NUP50: variants seen among roughly 807,000 people sequenced by gnomAD.
NUP50 encodes nucleoporin 50.
NUP50 carries 14 observed loss-of-function variants against 36.8 expected under a neutral mutation model. That is an observed-to-expected ratio of 0.38 (90% CI 0.25 to 0.59). The LOEUF (loss-of-function observed/expected upper bound fraction) is 0.59, where lower values mean the gene tolerates loss of function less well. NUP50 is among the 20% of genes least tolerant of loss of function. The pLI is 0.63. For missense variants in NUP50, 455 were observed against 564.6 expected (o/e 0.81, Z 1.97); for synonymous variants, 195 against 210.8 (o/e 0.93, Z 0.65).
intron 2 of NUP50, among the ~76,000 whole-genome samples, chr22:45,168,512 A>G (rs1277501781): frequency 1.3e-5 from 2 of 152,216 alleles, no homozygotes; most frequent in African/African-American, 4.8e-5. Flanking sequence ...TCTCCTTAGT[A>G]GAAGCACTTT....
In NUP50 at chr22:45,185,107, C is replaced by G. The variant is rs2074449278; in HGVS notation, c.*452C>G. 2.0e-5 allele frequency: 4 copies of G among 195,734 alleles called. No homozygotes were observed. In the South Asian group the frequency reaches 3.5e-4, roughly 17 times the overall value. The allele number at this position is 195,734 out of a possible 1,614,324, so 12.1% of individuals were successfully genotyped here. A position where few individuals can be genotyped will look rare whatever the true frequency, so the allele number is the denominator to read the frequency against. On this transcript the variant is annotated 3_prime_UTR_variant, in exon 8 of 8. Coordinates refer to ENST00000347635, the MANE Select transcript of NUP50 (RefSeq NM_007172.4). ...CGGTGGGCTCAGCCGACGTGTGAGACTTGTTCTGTTACCAAATGAACCGGG... is the reference window on the plus strand; with the variant it reads ...CGGTGGGCTCAGCCGACGTGTGAGAGTTGTTCTGTTACCAAATGAACCGGG...
At chr22:45,178,961 C>T in intron 5 of NUP50, 61 bp downstream of exon 5, 4 of 1,490,216 alleles carry the variant, frequency 2.7e-6, no homozygotes, top group Non-Finnish European at 3.6e-6. Flanking sequence ...CTTGGGAAAC[C>T]CAGAGACTTT....
chr22:45,183,245 C>T (rs186369375), intron 6 of NUP50, among the ~76,000 whole-genome samples, 157 bp from the exon 7 acceptor site: 96 of 152,252 alleles, frequency 6.3e-4, no homozygotes, highest in African/African-American at 2.0e-3. Flanking sequence ...CTGGTTTTTG[C>T]TCAGGCTCTG....
intron 7 of NUP50, 53 bp from the exon 8 acceptor site, chr22:45,184,400 T>G: frequency 6.7e-7 from 1 of 1,501,216 alleles, no homozygotes. Context: ...CAGACTCCTT[T>G]GGTGGAGCTA....
rs1033543812 is a variant in NUP50, at chr22:45,186,140, C to T, written c.*1485C>T. The T allele has an allele frequency of 1.3e-5, 2 of 152,228 alleles. No homozygotes were observed. The highest frequency in any genetic ancestry group is 4.8e-5 in the African/African-American group (2 of 41,456). 9.4% of individuals were successfully genotyped at this position (152,228 alleles called of 1,614,324 possible). A position where few individuals can be genotyped will look rare whatever the true frequency, so the allele number is the denominator to read the frequency against. Reference sequence around the variant, plus strand: ...ATTGGGCCAATGTTGGCATGAGGTTCTTGCTCTACTTCCAGTGTTTTGATT... The same window carrying T: ...ATTGGGCCAATGTTGGCATGAGGTTTTTGCTCTACTTCCAGTGTTTTGATT... On this transcript the variant is annotated 3_prime_UTR_variant, in exon 8 of 8. Transcript: ENST00000347635.
intron 1 of NUP50, among the ~76,000 whole-genome samples, chr22:45,165,498 C>T (rs1422146023): frequency 6.6e-6 from 1 of 152,196 alleles, no homozygotes; most frequent in Non-Finnish European, 1.5e-5. Flanking sequence ...CTTCCGCCTC[C>T]CTTAAGTTCT....
intron 2 of NUP50, among the ~76,000 whole-genome samples, chr22:45,169,761 C>T (rs2074155723): frequency 6.6e-6 from 1 of 152,174 alleles, no homozygotes; most frequent in African/African-American, 2.4e-5. Flanking sequence ...TGGGAAGGCA[C>T]CTGTTACTTA....
intron 2 of NUP50, among the ~76,000 whole-genome samples, chr22:45,170,129 G>T (rs1001453373): frequency 2.6e-5 from 4 of 152,114 alleles, no homozygotes; most frequent in African/African-American, 9.7e-5. Flanking sequence ...CACGTGACTT[G>T]CTTGACCTTG....
At chr22:45,183,699 A>G (rs1218429460) in intron 7 of NUP50, 179 bp downstream of exon 7, 6 of 553,302 alleles carry the variant, frequency 1.1e-5, no homozygotes, top group Non-Finnish European at 2.0e-5. Flanking sequence ...GGAAACATAA[A>G]TGTGTTAGAA....
chr22:45,184,912 T>A lies in NUP50; in HGVS notation c.*257T>A, dbSNP rs1234130500. 2.0e-6 allele frequency: 1 copy of A among 495,666 alleles called. No homozygotes were observed. The highest frequency in any genetic ancestry group is 3.8e-5 in the East Asian group (1 of 26,258). The allele number at this position is 495,666 out of a possible 1,614,324, so 30.7% of individuals were successfully genotyped here. A position where few individuals can be genotyped will look rare whatever the true frequency, so the allele number is the denominator to read the frequency against. The stretch of plus-strand genomic sequence containing the variant: ...TTTGGAAGATTTTTTAATGTTCGTT[T>A]ATTAAACTAACCCTAAGTGATTTCT... On this transcript the variant is annotated 3_prime_UTR_variant, in exon 8 of 8. Coordinates refer to ENST00000347635, the MANE Select transcript of NUP50 (RefSeq NM_007172.4).
Position 45,164,159 on chromosome 22 carries a change from G to A in NUP50, c.-148G>A, listed in dbSNP as rs1369174537. On this transcript the variant is annotated 5_prime_UTR_variant, in exon 1 of 8. Transcript: ENST00000347635. ...GGGCTTGCCGAGCACTAAGTCCTCT[G>A]AGTTCCGCAGCGCAGCACCGGAAGC... The A allele has an allele frequency of 6.6e-6, 1 of 152,336 alleles. No homozygotes were observed. Among genetic ancestry groups the A allele is most frequent in the African/African-American group, 2.4e-5 (1 of 41,458 alleles). 9.4% of individuals were successfully genotyped at this position (152,336 alleles called of 1,614,324 possible).
At chr22:45,166,580 C>G (rs1001855384) in intron 1 of NUP50, 1 of 152,128 alleles carries the variant, frequency 6.6e-6, no homozygotes, top group African/African-American at 2.4e-5. Context: ...AGGCACTTCG[C>G]TGGCCCCACA....
intron 4 of NUP50, chr22:45,177,982 C>T (rs912902611): frequency 4.5e-5 from 19 of 421,916 alleles, no homozygotes; most frequent in Middle Eastern, 6.6e-4. Context: ...AAAAATTAGC[C>T]GGGTGTGGTG....
intron 4 of NUP50, among the ~76,000 whole-genome samples, chr22:45,176,662 T>G (rs1266108761): frequency 1.3e-5 from 2 of 152,226 alleles, no homozygotes; most frequent in East Asian, 3.9e-4. Context: ...AGCTGATTAT[T>G]CTGAGAGTAT....
Position 45,175,883 on chromosome 22 carries a change from T to G in NUP50, c.154-11T>G, listed in dbSNP as rs1192949459. Reference sequence around the variant, plus strand: ...CACTTACCTAATGTGTGCTCCTCCTTCATACTTCAGTCTGACACTGGAGGA... The same window carrying G: ...CACTTACCTAATGTGTGCTCCTCCTGCATACTTCAGTCTGACACTGGAGGA... On this transcript the variant is annotated splice_polypyrimidine_tract_variant and intron_variant, in intron 3 of 7. Coordinates refer to ENST00000347635, the MANE Select transcript of NUP50 (RefSeq NM_007172.4). 1 of 1,613,748 alleles carries G rather than the reference T, an allele frequency of 6.2e-7. No homozygotes were observed. The highest frequency in any genetic ancestry group is 8.5e-7 in the Non-Finnish European group (1 of 1,179,856).
At position 45,178,555 on chromosome 22, in the gene NUP50, CAG is replaced by C; in HGVS notation, c.659_660del (p.Gln220LeufsTer24). On this transcript the variant is annotated frameshift_variant, in exon 5 of 8. Coordinates refer to ENST00000347635, the MANE Select transcript of NUP50 (RefSeq NM_007172.4). LOFTEE classifies it high-confidence loss of function. ...SESNKVAAET[Q>X]SPSLFGSTKL... is the part of the protein sequence containing the mutation. Reference sequence around the variant, plus strand: ...ATCTAACAAAGTGGCAGCTGAAACACAGTCTCCTTCCCTTTTTGGCTCAACAA... The same window carrying C: ...ATCTAACAAAGTGGCAGCTGAAACACTCTCCTTCCCTTTTTGGCTCAACAA... The C allele has an allele frequency of 6.2e-7, 1 of 1,612,058 alleles. No homozygotes were observed.
In NUP50 at chr22:45,187,474, A is replaced by C. The variant is rs1349060663; in HGVS notation, c.*2819A>C. The C allele has an allele frequency of 1.3e-5, 2 of 152,146 alleles. No homozygotes were observed. Among genetic ancestry groups the C allele is most frequent in the Admixed American group, 6.6e-5 (1 of 15,262 alleles). The allele number at this position is 152,146 out of a possible 1,614,324, so 9.4% of individuals were successfully genotyped here. A position where few individuals can be genotyped will look rare whatever the true frequency, so the allele number is the denominator to read the frequency against. On this transcript the variant is annotated 3_prime_UTR_variant, in exon 8 of 8. Coordinates refer to ENST00000347635, the MANE Select transcript of NUP50 (RefSeq NM_007172.4). ...CTGGTGTGGAGGGGAAGAAAAACTA[A>C]TATTCTACCTTACTAGTAGAGTTCA...
Position 45,171,655 on chromosome 22 carries a change from A to C in NUP50, c.125A>C (p.Lys42Thr). 1 of 1,614,178 alleles carries C rather than the reference A, an allele frequency of 6.2e-7. No homozygotes were observed. Among genetic ancestry groups the C allele is most frequent in the Non-Finnish European group, 8.5e-7 (1 of 1,180,008 alleles). ...EEVLKNRAIK[K>T]AKRRNVGFES... ...GTCTTGAAGAATAGAGCCATAAAGAAAGCAAAGCGCAGAAATGTTGGATTT... is the reference window on the plus strand; with the variant it reads ...GTCTTGAAGAATAGAGCCATAAAGACAGCAAAGCGCAGAAATGTTGGATTT... The change falls in exon 3 of 8, where the codon AAA becomes ACA. Residue 42 changes from lysine (K) to threonine (T), a missense_variant. By Grantham distance (78) the Lys-to-Thr change is moderately conservative (BLOSUM62 -1). Coordinates refer to ENST00000347635, the MANE Select transcript of NUP50 (RefSeq NM_007172.4).
At chr22:45,177,212 G>A (rs1003220826) in intron 4 of NUP50, among the ~76,000 whole-genome samples, 3 of 152,050 alleles carry the variant, frequency 2.0e-5, no homozygotes, top group Non-Finnish European at 2.9e-5. Context: ...ACAGGGTCTC[G>A]CTCTGTCACC....
Sources: gnomAD v4.1 joint callset for allele counts (sites outside exome capture counted in the v4.1 genomes callset) on GRCh38, gnomAD v4.1.1 for gene constraint, MANE v1.5 for transcripts, NCBI Gene and HGNC (gene_info 2026-07-23, HGNC 2026-07-21) for gene names.